Variants in AVPI1 observed in about 807,000 individuals in gnomAD.
The protein encoded by AVPI1 is arginine vasopressin induced 1, also known as arginine vasopressin-induced protein 1.
In AVPI1, 9 loss-of-function variants were observed where a neutral mutation model predicts 11.9. That is an observed-to-expected ratio of 0.76 (90% CI 0.46 to 1.32). The LOEUF (loss-of-function observed/expected upper bound fraction) is 1.32, where lower values mean the gene tolerates loss of function less well. AVPI1 is among the 40% of genes most tolerant of loss of function. The probability of loss-of-function intolerance (pLI) is 0.00; values close to 1 mark genes in which losing one functional copy is unlikely to be tolerated. For synonymous variants in AVPI1, 68 were observed against 78.1 expected (o/e 0.87, Z 0.68); for missense variants, 207 against 195.8 (o/e 1.06, Z -0.34).
intron 2 of AVPI1, among the ~76,000 whole-genome samples, chr10:97,679,159 GAGACAGAGTCTCGCTCTGTCACCC>G (rs2041688626): frequency 2.1e-5 from 1 of 47,976 alleles, no homozygotes; most frequent in South Asian, 5.9e-4. Flanking sequence ...TTTTTTTTTT[GAGACAGAGTCTCGCTCTGTCACCC>G]AGGCTGGCTG....
At chr10:97,678,833 GCATGCCAC>G (rs572290203) in intron 2 of AVPI1, among the ~76,000 whole-genome samples, 3 of 151,734 alleles carry the variant, frequency 2.0e-5, no homozygotes, top group Admixed American at 2.0e-4. Flanking sequence ...GACCGCAGGT[GCATGCCAC>G]CATGCCTGGC....
chr10:97,686,451 G>T (rs941091638), intron 1 of AVPI1, among the ~76,000 whole-genome samples: 17 of 152,158 alleles, frequency 1.1e-4, no homozygotes, highest in Non-Finnish European at 1.9e-4. Flanking sequence ...CACTTAAGGT[G>T]GCACTATTGT....
In AVPI1 at chr10:97,679,724, C is replaced by G; in HGVS notation, c.182G>C (p.Cys61Ser). Residue 61 changes from cysteine (C) to serine (S), a missense_variant, in exon 2 of 3, where the codon TGT (cysteine) becomes TCT (serine). By Grantham distance (112) the Cys-to-Ser change is moderately radical. Coordinates refer to ENST00000370626, the MANE Select transcript of AVPI1 (RefSeq NM_021732.3). ...CTCAGCCACACGGTGGTCCCCTGCA[C>G]ATTCCCAGATGATCTGTGCCCGTTC... is the stretch of plus-strand genomic sequence containing the variant. ...AEERAQIIWE[C>S]AGDHRVAEAL... is the part of the protein sequence containing the mutation. 6.2e-7 allele frequency: 1 copy of G among 1,614,172 alleles called. No individual in the cohort carries two copies. Among genetic ancestry groups the G allele is most frequent in the East Asian group, 2.2e-5 (1 of 44,888 alleles).
chr10:97,681,540 C>T (rs1003241771), intron 1 of AVPI1, among the ~76,000 whole-genome samples: 3 of 150,640 alleles, frequency 2.0e-5, no homozygotes, highest in Non-Finnish European at 2.9e-5. Flanking sequence ...CGAGATCCCG[C>T]CATTGCACTC....
At position 97,687,106 on chromosome 10, in the gene AVPI1, A is replaced by C. The variant is rs1046406563; in HGVS notation, c.-351T>G. On this transcript the variant is annotated 5_prime_UTR_variant, in exon 1 of 3. Transcript: ENST00000370626. The stretch of plus-strand genomic sequence containing the variant: ...ACCGCAGCGCCGAGCTGGGCCGCCG[A>C]CCTACGTACCTGGTTGCTTGAGGCA... 3 of 152,204 alleles carry C rather than the reference A, an allele frequency of 2.0e-5. No individual in the cohort carries two copies. The highest frequency in any genetic ancestry group is 7.2e-5 in the African/African-American group (3 of 41,426). The allele number at this position is 152,204 out of a possible 1,614,324, so 9.4% of individuals were successfully genotyped here.
chr10:97,677,793 A>T lies in AVPI1; in HGVS notation c.*76T>A. 1 of 1,570,600 alleles carries T rather than the reference A, an allele frequency of 6.4e-7. No individual in the cohort carries two copies. Among genetic ancestry groups the T allele is most frequent in the Non-Finnish European group, 8.7e-7 (1 of 1,153,934 alleles). Reference sequence around the variant, plus strand: ...ATTTACCCCTTTGGGCTGCTTGCCTAAAGTCTCTCTTCCTTCACCTCCCCA... The same window carrying T: ...ATTTACCCCTTTGGGCTGCTTGCCTTAAGTCTCTCTTCCTTCACCTCCCCA... On this transcript the variant is annotated 3_prime_UTR_variant, in exon 3 of 3. Coordinates refer to ENST00000370626, the MANE Select transcript of AVPI1 (RefSeq NM_021732.3).
Position 97,677,753 on chromosome 10 carries a change from C to G in AVPI1, c.*116G>C. 1.6e-6 allele frequency: 2 copies of G among 1,265,538 alleles called. No homozygotes were observed. 78.4% of individuals were successfully genotyped at this position (1,265,538 alleles called of 1,614,324 possible). ...TCTGAATGGAGCAGGTCAGTGGCAGCAGCCTCTTGCTTTCATTTACCCCTT... is the reference window on the plus strand; with the variant it reads ...TCTGAATGGAGCAGGTCAGTGGCAGGAGCCTCTTGCTTTCATTTACCCCTT... On this transcript the variant is annotated 3_prime_UTR_variant, in exon 3 of 3. Coordinates refer to ENST00000370626, the MANE Select transcript of AVPI1 (RefSeq NM_021732.3).
At chr10:97,681,907 A>G (rs1448493453) in intron 1 of AVPI1, among the ~76,000 whole-genome samples, 11 of 151,240 alleles carry the variant, frequency 7.3e-5, no homozygotes, top group Admixed American at 6.6e-5. Context: ...AAAAAAAAAA[A>G]AAAGAAAAAA....
chr10:97,682,097 G>T (rs570866451), intron 1 of AVPI1, among the ~76,000 whole-genome samples: 10 of 152,262 alleles, frequency 6.6e-5, no homozygotes, highest in African/African-American at 2.2e-4. Context: ...AGCGTCCCAC[G>T]GAGGAGCCTG....
chr10:97,680,722 ACCT>A (rs570442092), intron 1 of AVPI1, among the ~76,000 whole-genome samples: 140 of 152,264 alleles, frequency 9.2e-4, no homozygotes, highest in Admixed American at 2.7e-3. Flanking sequence ...ACATCATCCC[ACCT>A]CCTATCTTTA....
At position 97,677,892 on chromosome 10, in the gene AVPI1, A is replaced by G; in HGVS notation, c.421T>C (p.Tyr141His). Residue 141 changes from tyrosine to histidine, a missense_variant, in exon 3 of 3, where the codon TAC (tyrosine) becomes CAC (histidine). Coordinates refer to ENST00000370626, the MANE Select transcript of AVPI1 (RefSeq NM_021732.3). The part of the protein sequence containing the change: ...RNWRKSGPTS[Y>H]LHQIRH ...GATCAGTGTCTGATCTGGTGGAGGT[A>G]GCTTGTGGGGCCTGACTTCCTCCAG... 1 of 1,614,174 alleles carries G rather than the reference A, an allele frequency of 6.2e-7. No homozygotes were observed. Among genetic ancestry groups the G allele is most frequent in the Non-Finnish European group, 8.5e-7 (1 of 1,180,022 alleles).
chr10:97,683,130 G>T (rs1173522890), intron 1 of AVPI1, among the ~76,000 whole-genome samples: 1 of 152,086 alleles, frequency 6.6e-6, no homozygotes, highest in African/African-American at 2.4e-5. Context: ...GGCCAGAGGT[G>T]GTTCAAATGA....
chr10:97,677,780 G>T lies in AVPI1; in HGVS notation c.*89C>A. 1 of 1,513,588 alleles carries T rather than the reference G, an allele frequency of 6.6e-7. No individual in the cohort carries two copies. 93.8% of individuals were successfully genotyped at this position (1,513,588 alleles called of 1,614,324 possible). On this transcript the variant is annotated 3_prime_UTR_variant, in exon 3 of 3. Coordinates refer to ENST00000370626, the MANE Select transcript of AVPI1 (RefSeq NM_021732.3). ...GCCTCTTGCTTTCATTTACCCCTTT[G>T]GGCTGCTTGCCTAAAGTCTCTCTTC...
chr10:97,683,362 T>C lies in AVPI1; in HGVS notation c.-11+3404A>G, dbSNP rs531343264. 2.6e-4 allele frequency among the ~76,000 whole-genome samples: 39 copies of C among 152,340 alleles called. 1 individual carries two copies. The South Asian group carries it at 7.9e-3, about 31-fold the overall frequency. On this transcript the variant is annotated intron_variant, in intron 1 of 2. Coordinates refer to ENST00000370626, the MANE Select transcript of AVPI1 (RefSeq NM_021732.3). ...TTAGTAAAGACAGGGTTTCACCATG[T>C]TGGTCAGGCTGGTCTTGAACTCCTG...
intron 1 of AVPI1, 42 bp from the exon 2 acceptor site, chr10:97,679,957 C>A: frequency 6.8e-7 from 1 of 1,472,150 alleles, no homozygotes; most frequent in South Asian, 1.3e-5. Flanking sequence ...CTCAGCTGGT[C>A]CTTCCCAGAC....
chr10:97,681,560 C>T (rs1283729497), intron 1 of AVPI1, among the ~76,000 whole-genome samples: 1 of 150,018 alleles, frequency 6.7e-6, no homozygotes, highest in East Asian at 2.0e-4. Context: ...CCAGCCTGGG[C>T]AACAAGAGCA....
In AVPI1 at chr10:97,677,916, A is replaced by G. The variant is rs2041674256; in HGVS notation, c.397T>C (p.Trp133Arg). ...RKKSARIRRN[W>R]RKSGPTSYLH... ...TAGCTTGTGGGGCCTGACTTCCTCC[A>G]GTTCCGGCGGATCCTGGCACTTTTC... The change falls in exon 3 of 3, where the codon TGG (tryptophan) becomes CGG (arginine). Residue 133 changes from tryptophan to arginine, a missense_variant. By Grantham distance (101) the Trp-to-Arg change is moderately radical. Transcript: ENST00000370626. 2 of 1,614,018 alleles carry G rather than the reference A, an allele frequency of 1.2e-6. No individual in the cohort carries two copies. Among genetic ancestry groups the G allele is most frequent in the Non-Finnish European group, 1.7e-6 (2 of 1,180,026 alleles).
In AVPI1 at chr10:97,679,915, T is replaced by G; in HGVS notation, c.-10A>C. 6.4e-7 allele frequency: 1 copy of G among 1,558,348 alleles called. No homozygotes were observed. The highest frequency in any genetic ancestry group is 8.6e-7 in the Non-Finnish European group (1 of 1,156,592). ...AGGCTGGGGTACCCATTGTGGATGC[T>G]CTGAGGATGCAAAGCATGGAGACAT... On this transcript the variant is annotated splice_region_variant and 5_prime_UTR_variant, in exon 2 of 3. Coordinates refer to ENST00000370626, the MANE Select transcript of AVPI1 (RefSeq NM_021732.3).
intron 1 of AVPI1, among the ~76,000 whole-genome samples, chr10:97,683,571 C>A (rs2041715022): frequency 6.6e-6 from 1 of 152,226 alleles, no homozygotes; most frequent in Admixed American, 6.5e-5. Flanking sequence ...AAGGGGAAAT[C>A]CTACCAATGG....
Sources: gnomAD v4.1 joint callset for allele counts (sites outside exome capture counted in the v4.1 genomes callset) on GRCh38, gnomAD v4.1.1 for gene constraint, MANE v1.5 for transcripts, NCBI Gene and HGNC (gene_info 2026-07-23, HGNC 2026-07-21) for gene names.